Variants in DGKB observed in about 807,000 individuals in gnomAD.
DGKB encodes 90 kDa diacylglycerol kinase.
Under a neutral mutation model 114.3 loss-of-function variants are expected in DGKB, and 67 were observed. That is an observed-to-expected ratio of 0.59 (90% CI 0.48 to 0.72). The LOEUF (loss-of-function observed/expected upper bound fraction) is 0.72. Ranked by LOEUF, DGKB falls within the 30% of genes least tolerant of loss-of-function variation. The pLI is 0.00. For missense variants in DGKB, 907 were observed against 975.2 expected, an observed-to-expected ratio of 0.93 and a Z score of 0.93; for synonymous variants, 398 against 323.1, an observed-to-expected ratio of 1.23 and a Z score of -2.49.
intron 25 of DGKB, among the ~76,000 whole-genome samples, chr7:14,159,475 A>T (rs1332015577): frequency 6.6e-6 from 1 of 152,136 alleles, no homozygotes; most frequent in Admixed American, 6.5e-5. Context: ...CACAGACCTT[A>T]TATCATTATT....
chr7:14,854,375 TC>T (rs1849820175), intron 1 of DGKB, among the ~76,000 whole-genome samples: 1 of 152,156 alleles, frequency 6.6e-6, no homozygotes, highest in Admixed American at 6.5e-5. Flanking sequence ...TTATAGTAGA[TC>T]AGCAGTCCCC....
At chr7:14,473,876 C>T (rs1380050672) in intron 21 of DGKB, among the ~76,000 whole-genome samples, 1 of 152,166 alleles carries the variant, frequency 6.6e-6, no homozygotes, top group Non-Finnish European at 1.5e-5. Flanking sequence ...TTTGGAATGG[C>T]TGTATTTACT....
intron 2 of DGKB, among the ~76,000 whole-genome samples, chr7:14,832,974 T>C (rs1846633918): frequency 6.6e-6 from 1 of 152,108 alleles, no homozygotes; most frequent in South Asian, 2.1e-4. Context: ...CAAACCACTC[T>C]ACTTTCCCTC....
intron 15 of DGKB, among the ~76,000 whole-genome samples, chr7:14,618,525 G>C (rs1450149345): frequency 6.6e-6 from 1 of 151,526 alleles, no homozygotes; most frequent in African/African-American, 2.4e-5. Flanking sequence ...ACATGTGGGA[G>C]AGCCATCTGT....
At chr7:14,682,524 C>T in intron 12 of DGKB, 29 bp downstream of exon 12, 1 of 1,488,128 alleles carries the variant, frequency 6.7e-7, no homozygotes, top group Non-Finnish European at 9.4e-7. Flanking sequence ...TGGGTGAATG[C>T]TGGGATTTGT....
At chr7:14,885,749 C>T (rs541595164) in intron 1 of DGKB, among the ~76,000 whole-genome samples, 2 of 151,918 alleles carry the variant, frequency 1.3e-5, no homozygotes, top group South Asian at 2.1e-4. Flanking sequence ...AAATGAGTTG[C>T]TATTATTAAT....
At chr7:14,918,892 C>T (rs1433150847) in intron 1 of DGKB, among the ~76,000 whole-genome samples, 4 of 151,682 alleles carry the variant, frequency 2.6e-5, no homozygotes, top group African/African-American at 4.8e-5. Context: ...TGAAACCCCG[C>T]CTCTACTAAA....
chr7:14,584,211 T>C (rs1025702819), intron 17 of DGKB, among the ~76,000 whole-genome samples: 1 of 152,202 alleles, frequency 6.6e-6, no homozygotes, highest in Non-Finnish European at 1.5e-5. Context: ...GCATCATGTT[T>C]TATAATAAGT....
intron 23 of DGKB, among the ~76,000 whole-genome samples, chr7:14,273,669 C>G (rs1193736823): frequency 6.6e-6 from 1 of 152,206 alleles, no homozygotes; most frequent in Non-Finnish European, 1.5e-5. Flanking sequence ...AATGACAACT[C>G]TACATACAAA....
chr7:14,688,449 G>A (rs1195670684), intron 9 of DGKB, among the ~76,000 whole-genome samples: 1 of 152,028 alleles, frequency 6.6e-6, no homozygotes. Flanking sequence ...AGTTAATTTG[G>A]TTTCTCAGAA....
intron 20 of DGKB, among the ~76,000 whole-genome samples, chr7:14,554,573 T>C (rs1320668753): frequency 6.6e-6 from 1 of 152,170 alleles, no homozygotes; most frequent in Non-Finnish European, 1.5e-5. Context: ...TAAATTTTAA[T>C]AGATACTATC....
intron 2 of DGKB, among the ~76,000 whole-genome samples, chr7:14,812,887 T>G (rs573019649): frequency 2.0e-5 from 3 of 152,296 alleles, no homozygotes; most frequent in African/African-American, 7.2e-5. Context: ...GTTAAGTGCT[T>G]CCTCTATCTC....
chr7:14,539,192 G>T (rs1793013821), intron 20 of DGKB, among the ~76,000 whole-genome samples: 1 of 152,004 alleles, frequency 6.6e-6, no homozygotes, highest in African/African-American at 2.4e-5. Context: ...GGGAACTTTT[G>T]GATGTAATGT....
chr7:14,881,915 T>A, intron 1 of DGKB, among the ~76,000 whole-genome samples: 1 of 152,114 alleles, frequency 6.6e-6, no homozygotes, highest in Non-Finnish European at 1.5e-5. Context: ...GTTTCTGCAT[T>A]CCTTTAACTG....
chr7:14,956,515 A>T (rs537587859), intron 1 of DGKB, among the ~76,000 whole-genome samples: 1 of 152,056 alleles, frequency 6.6e-6, no homozygotes, highest in Non-Finnish European at 1.5e-5. Flanking sequence ...ATGGGCTCAT[A>T]TCTTTAGGGG....
At chr7:14,490,546 C>G (rs899135171) in intron 20 of DGKB, among the ~76,000 whole-genome samples, 1 of 152,100 alleles carries the variant, frequency 6.6e-6, no homozygotes, top group African/African-American at 2.4e-5. Flanking sequence ...TTCATTACCA[C>G]CACCTTACTC....
At chr7:14,972,939 G>A (rs1028010312) in intron 1 of DGKB, among the ~76,000 whole-genome samples, 2 of 152,110 alleles carry the variant, frequency 1.3e-5, no homozygotes, top group African/African-American at 4.8e-5. Flanking sequence ...GTGGGTTAAC[G>A]TTATATATGG....
In DGKB at chr7:14,608,603, A is replaced by C. The variant is rs549723960; in HGVS notation, c.1359-1095T>G. On this transcript the variant is annotated intron_variant, in intron 16 of 25. Coordinates refer to ENST00000402815, the MANE Select transcript of DGKB (RefSeq NM_001350709.2). ...TAATCAGAGCAATTAGACAAGAGAA[A>C]GAAATAAAAGGTATCCAAACAAGAA... Among the ~76,000 whole-genome samples, 299 of 152,174 alleles carry C rather than the reference A, an allele frequency of 2.0e-3. 1 individual carries two copies. The highest frequency in any genetic ancestry group is 6.6e-3 in the African/African-American group (273 of 41,558).
At chr7:14,576,493 T>A (rs1311352189) in intron 19 of DGKB, among the ~76,000 whole-genome samples, 1 of 152,036 alleles carries the variant, frequency 6.6e-6, no homozygotes, top group Non-Finnish European at 1.5e-5. Context: ...CATGTCAGAA[T>A]AAGCTTGATA....
Sources: gnomAD v4.1 joint callset for allele counts (sites outside exome capture counted in the v4.1 genomes callset) on GRCh38, gnomAD v4.1.1 for gene constraint, MANE v1.5 for transcripts, NCBI Gene and HGNC (gene_info 2026-07-23, HGNC 2026-07-21) for gene names.